The following KCNH7 variants were observed in gnomAD, a reference collection of about 807,000 sequenced individuals.
The protein encoded by KCNH7 is potassium voltage-gated channel subfamily H member 7.
Under a neutral mutation model 120.8 loss-of-function variants are expected in KCNH7, and 49 were observed. The ratio of observed to expected loss-of-function variants is 0.41; its 90% confidence interval spans 0.32 to 0.51. The LOEUF (loss-of-function observed/expected upper bound fraction) is 0.51, where lower values mean the gene tolerates loss of function less well. KCNH7 is among the 20% of genes least tolerant of loss of function. The pLI is 0.38. For missense variants in KCNH7, 1,097 were observed against 1,446.6 expected (o/e 0.76, Z 3.92); for synonymous variants, 547 against 516.1 (o/e 1.06, Z -0.81).
chr2:162,823,090 C>T (rs2105597358), intron 2 of KCNH7, among the ~76,000 whole-genome samples: 1 of 152,238 alleles, frequency 6.6e-6, no homozygotes, highest in East Asian at 1.9e-4. Flanking sequence ...GAGTGCTGAG[C>T]ACACAGGCTC....
intron 2 of KCNH7, among the ~76,000 whole-genome samples, chr2:162,804,539 A>C (rs1301600868): frequency 2.0e-5 from 3 of 152,028 alleles, no homozygotes; most frequent in Non-Finnish European, 2.9e-5. Flanking sequence ...GTATTTAACC[A>C]AAGAGATGAA....
intron 7 of KCNH7, among the ~76,000 whole-genome samples, chr2:162,443,041 T>A (rs984597808): frequency 2.0e-5 from 3 of 152,140 alleles, no homozygotes; most frequent in Non-Finnish European, 4.4e-5. Flanking sequence ...GGCTACTGGA[T>A]CTTGTATATC....
At chr2:162,603,914 T>C (rs1033509035) in intron 2 of KCNH7, among the ~76,000 whole-genome samples, 5 of 152,112 alleles carry the variant, frequency 3.3e-5, no homozygotes, top group African/African-American at 1.2e-4. Context: ...TTGTTATAGA[T>C]GGTAGACAAA....
chr2:162,398,620 T>A (rs1414686260), intron 10 of KCNH7, among the ~76,000 whole-genome samples: 1 of 151,908 alleles, frequency 6.6e-6, no homozygotes, highest in Non-Finnish European at 1.5e-5. Flanking sequence ...ATTACCAACA[T>A]GACTGTAAAT....
At position 162,445,545 on chromosome 2, in the gene KCNH7, A is replaced by C. The variant is rs78468766; in HGVS notation, c.1554+473T>G. 1.0e-3 allele frequency among the ~76,000 whole-genome samples: 159 copies of C among 152,308 alleles called. 1 individual carries two copies. Among genetic ancestry groups the C allele is most frequent in the Non-Finnish European group, 1.8e-3 (121 of 68,036 alleles). Reference sequence around the variant, plus strand: ...TTATTAGGCATTGGGATACACAAAAAGTACTTTCCAAGCTGAATATTATTT... The same window carrying C: ...TTATTAGGCATTGGGATACACAAAACGTACTTTCCAAGCTGAATATTATTT... On this transcript the variant is annotated intron_variant, in intron 7 of 15. Transcript: ENST00000332142.
At chr2:162,477,038 T>C (rs1331198189) in intron 6 of KCNH7, among the ~76,000 whole-genome samples, 1 of 152,202 alleles carries the variant, frequency 6.6e-6, no homozygotes, top group Non-Finnish European at 1.5e-5. Context: ...GCTAGGCATA[T>C]AAATGTTGTC....
intron 9 of KCNH7, among the ~76,000 whole-genome samples, chr2:162,422,191 A>T (rs1201463224): frequency 6.6e-6 from 1 of 152,186 alleles, no homozygotes; most frequent in African/African-American, 2.4e-5. Context: ...AATCAAATAC[A>T]TCACACACAG....
At chr2:162,579,232 G>A (rs768411172) in intron 2 of KCNH7, among the ~76,000 whole-genome samples, 14 of 152,144 alleles carry the variant, frequency 9.2e-5, no homozygotes, top group East Asian at 1.9e-4. Context: ...TATGAAGCTC[G>A]TCTCTCCTCA....
In KCNH7 at chr2:162,397,007, A is replaced by G. The variant is rs968337769; in HGVS notation, c.2408-62T>C. 4 of 1,145,510 alleles carry G rather than the reference A, an allele frequency of 3.5e-6. No individual in the cohort carries two copies. The African/African-American group carries it at 6.2e-5, about 18-fold the overall frequency. The allele number at this position is 1,145,510 out of a possible 1,614,324, so 71.0% of individuals were successfully genotyped here. On this transcript the variant is annotated intron_variant, in intron 10 of 15. Coordinates refer to ENST00000332142, the MANE Select transcript of KCNH7 (RefSeq NM_033272.4). ...AATCCAAACTCAATGTTCTCCTTCT[A>G]AAAGTAGAAGGGGGTCATTAAACAA...
At chr2:162,646,814 G>C (rs957777314) in intron 2 of KCNH7, among the ~76,000 whole-genome samples, 1 of 152,162 alleles carries the variant, frequency 6.6e-6, no homozygotes, top group South Asian at 2.1e-4. Flanking sequence ...AATAAGCTTG[G>C]AAAAGGATTC....
At chr2:162,649,587 G>A (rs890883191) in intron 2 of KCNH7, among the ~76,000 whole-genome samples, 9 of 151,964 alleles carry the variant, frequency 5.9e-5, no homozygotes, top group East Asian at 1.9e-4. Context: ...ATCTCAATAC[G>A]ACAATGGCAG....
intron 2 of KCNH7, among the ~76,000 whole-genome samples, chr2:162,572,342 A>G (rs1693511947): frequency 7.2e-6 from 1 of 138,592 alleles, no homozygotes; most frequent in Admixed American, 7.6e-5. Flanking sequence ...CAAAACCACA[A>G]TGAGATACCA....
chr2:162,636,171 A>T (rs976901129), intron 2 of KCNH7, among the ~76,000 whole-genome samples: 6 of 152,066 alleles, frequency 3.9e-5, no homozygotes, highest in African/African-American at 1.4e-4. Context: ...GTGGGGTGGT[A>T]TTATTTCATG....
At chr2:162,448,530 G>A (rs1190829899) in intron 6 of KCNH7, among the ~76,000 whole-genome samples, 2 of 152,024 alleles carry the variant, frequency 1.3e-5, no homozygotes, top group Non-Finnish European at 2.9e-5. Context: ...TCATAAAAAA[G>A]GCGTGTAGTC....
At chr2:162,729,859 G>T (rs529214968) in intron 2 of KCNH7, among the ~76,000 whole-genome samples, 366 of 152,156 alleles carry the variant, frequency 2.4e-3, no homozygotes, top group Non-Finnish European at 4.4e-3. Context: ...CATGCTGGGT[G>T]TGTGTTGAAT....
intron 2 of KCNH7, among the ~76,000 whole-genome samples, chr2:162,666,427 T>C (rs942514060): frequency 6.6e-6 from 1 of 150,528 alleles, no homozygotes; most frequent in Non-Finnish European, 1.5e-5. Flanking sequence ...TCTCACTGCA[T>C]CCAAAGAACG....
In KCNH7 at chr2:162,517,710, TA is replaced by T. The variant is rs112112700; in HGVS notation, c.892+19del. 1.1e-4 allele frequency: 165 copies of T among 1,509,314 alleles called. No homozygotes were observed. Among genetic ancestry groups the T allele is most frequent in the South Asian group, 2.3e-4 (18 of 78,056 alleles). 93.5% of individuals were successfully genotyped at this position (1,509,314 alleles called of 1,614,324 possible). A position where few individuals can be genotyped will look rare whatever the true frequency, so the allele number is the denominator to read the frequency against. ...TTACCCATTAATATATGTTTCCATTTAAAAAAAAATCAAACATACCTTCGCT... is the reference window on the plus strand; with the variant it reads ...TTACCCATTAATATATGTTTCCATTTAAAAAAAATCAAACATACCTTCGCT... On this transcript the variant is annotated intron_variant, in intron 4 of 15. Transcript: ENST00000332142.
At chr2:162,715,005 G>A (rs1369233961) in intron 2 of KCNH7, among the ~76,000 whole-genome samples, 1 of 152,076 alleles carries the variant, frequency 6.6e-6, no homozygotes, top group Non-Finnish European at 1.5e-5. Context: ...GCTAATATGA[G>A]AGTAACAAAA....
intron 2 of KCNH7, among the ~76,000 whole-genome samples, chr2:162,759,667 G>A (rs955390068): frequency 8.6e-5 from 13 of 151,146 alleles, no homozygotes; most frequent in Admixed American, 2.0e-4. Flanking sequence ...AGGGAAAGAA[G>A]GAAGAACATG....
Sources: gnomAD v4.1 joint callset for allele counts (sites outside exome capture counted in the v4.1 genomes callset) on GRCh38, gnomAD v4.1.1 for gene constraint, MANE v1.5 for transcripts, NCBI Gene and HGNC (gene_info 2026-07-23, HGNC 2026-07-21) for gene names.